The following MPRIP variants were observed in gnomAD, a reference collection of about 807,000 sequenced individuals.
MPRIP encodes the protein myosin phosphatase Rho-interacting protein.
MPRIP carries 59 observed loss-of-function variants against 234.9 expected under a neutral mutation model. The observed-to-expected ratio is 0.25, with a 90% CI of 0.20 to 0.31. The LOEUF is 0.31. MPRIP is among the 10% of genes least tolerant of loss of function. The probability of loss-of-function intolerance (pLI) is 1.00; values close to 1 mark genes in which losing one functional copy is unlikely to be tolerated. For synonymous variants in MPRIP, 1,144 were observed against 1,263.9 expected, an observed-to-expected ratio of 0.91 and a Z score of 2.01; for missense variants, 2,436 against 3,071.0, an observed-to-expected ratio of 0.79 and a Z score of 4.89.
chr17:17,169,888 A>G (rs891861207), intron 16 of MPRIP, among the ~76,000 whole-genome samples: 2 of 152,210 alleles, frequency 1.3e-5, no homozygotes. Flanking sequence ...TTTGTTTGCA[A>G]GATCAATTAT....
intron 1 of MPRIP, among the ~76,000 whole-genome samples, chr17:17,046,583 C>A (rs958140230): frequency 3.9e-5 from 6 of 152,026 alleles, no homozygotes; most frequent in African/African-American, 9.7e-5. Context: ...GAAGTTGAGC[C>A]TTTTTTATAG....
chr17:17,108,168 C>T (rs796085324), intron 3 of MPRIP, among the ~76,000 whole-genome samples: 20 of 152,306 alleles, frequency 1.3e-4, no homozygotes, highest in African/African-American at 4.8e-4. Context: ...GGGTACTGTC[C>T]CCAAGCACTT....
Position 17,158,953 on chromosome 17 carries a change from G to A in MPRIP, c.2351G>A (p.Gly784Glu), listed in dbSNP as rs753895038. The A allele has an allele frequency of 1.9e-6, 3 of 1,612,802 alleles. No individual in the cohort carries two copies. The Admixed American group carries it at 5.0e-5, about 27-fold the overall frequency. Residue 784 changes from glycine to glutamate, a missense_variant, in exon 14 of 24, where the codon GGG becomes GAG. Coordinates refer to ENST00000651222, the MANE Select transcript of MPRIP (RefSeq NM_001364716.4). ...IAPVHLSSED[G>E]GDRLSTHELT... The stretch of plus-strand genomic sequence containing the variant: ...CCCGTCCACCTGTCTTCTGAAGATG[G>A]GGGTGACCGGCTCTCCACACACGAG...
chr17:17,053,250 T>C (rs111529590), intron 1 of MPRIP, among the ~76,000 whole-genome samples: 48 of 152,202 alleles, frequency 3.2e-4, no homozygotes, highest in African/African-American at 1.1e-3. Context: ...GAGTTTCCAT[T>C]CTAGCTCCAT....
At position 17,154,094 on chromosome 17, in the gene MPRIP, A is replaced by G. The variant is rs912544500; in HGVS notation, c.1720-212A>G. On this transcript the variant is annotated intron_variant, in intron 12 of 23. Transcript: ENST00000651222. ...AAGATACCGGATTTACCATTGCCACAAATACACGTCCCTCCCACAGCTTTG... is the reference window on the plus strand; with the variant it reads ...AAGATACCGGATTTACCATTGCCACGAATACACGTCCCTCCCACAGCTTTG... 3.8e-4 allele frequency among the ~76,000 whole-genome samples: 58 copies of G among 152,208 alleles called. 1 individual carries two copies. The highest frequency in any genetic ancestry group is 1.3e-3 in the African/African-American group (56 of 41,530).
rs747413483 is a variant in MPRIP, at chr17:17,136,445, A to G, written c.731A>G (p.Lys244Arg). The G allele has an allele frequency of 1.2e-6, 2 of 1,609,134 alleles. No individual in the cohort carries two copies. The highest frequency in any genetic ancestry group is 1.7e-6 in the Non-Finnish European group (2 of 1,177,716). Residue 244 changes from lysine to arginine, a missense_variant, in exon 6 of 24, where the codon AAA becomes AGA. Transcript: ENST00000651222. ...SSLREPGLES[K>R]EEESAMSSDR... ...CTGCGGGAACCTGGGCTAGAGAGCAAAGAAGGTGAGCGGAGGCCAGGCTGG... is the reference window on the plus strand; with the variant it reads ...CTGCGGGAACCTGGGCTAGAGAGCAGAGAAGGTGAGCGGAGGCCAGGCTGG...
chr17:17,053,013 A>G (rs1260225095), intron 1 of MPRIP, among the ~76,000 whole-genome samples: 2 of 152,008 alleles, frequency 1.3e-5, no homozygotes, highest in Admixed American at 6.6e-5. Flanking sequence ...GAGCCAGAGA[A>G]AGGGGCCATG....
intron 1 of MPRIP, among the ~76,000 whole-genome samples, chr17:17,058,364 A>T (rs999858510): frequency 7.9e-5 from 11 of 139,826 alleles, no homozygotes; most frequent in Non-Finnish European, 1.4e-4. Context: ...CTCCAGGACT[A>T]TTAGGAGTAG....
At chr17:17,088,027 C>G (rs961412581) in intron 3 of MPRIP, among the ~76,000 whole-genome samples, 1 of 152,220 alleles carries the variant, frequency 6.6e-6, no homozygotes, top group Non-Finnish European at 1.5e-5. Context: ...TCTCTGCCTT[C>G]CCTGTGTTGC....
intron 1 of MPRIP, among the ~76,000 whole-genome samples, chr17:17,071,077 G>T (rs145534157): frequency 8.6e-4 from 131 of 152,288 alleles, no homozygotes; most frequent in African/African-American, 3.0e-3. Flanking sequence ...CCCTAGCATG[G>T]AGCAAGAAGG....
chr17:17,072,326 C>T lies in MPRIP; in HGVS notation c.124-3384C>T, dbSNP rs565033629. ...GGTAACTCAGAGAGGGCACCACCCA[C>T]CCACTGCTGGCCTAGGCCGGTGGGC... On this transcript the variant is annotated intron_variant, in intron 1 of 23. Transcript: ENST00000651222. Among the ~76,000 whole-genome samples the T allele has an allele frequency of 3.9e-5, 6 of 152,316 alleles. No individual in the cohort carries two copies. The East Asian group carries it at 1.2e-3, about 29-fold the overall frequency.
chr17:17,091,835 C>T lies in MPRIP; in HGVS notation c.267+13759C>T, dbSNP rs529460512. 2.0e-5 allele frequency among the ~76,000 whole-genome samples: 3 copies of T among 152,236 alleles called. No individual in the cohort carries two copies. The South Asian group carries it at 6.2e-4, about 32-fold the overall frequency. On this transcript the variant is annotated intron_variant, in intron 3 of 23. Transcript: ENST00000651222. ...TTCTTGTTTCTTGGGGCCTCCATTCCGAGATGGAGAAGAGAATACTATTTG... is the reference window on the plus strand; with the variant it reads ...TTCTTGTTTCTTGGGGCCTCCATTCTGAGATGGAGAAGAGAATACTATTTG...
chr17:17,158,445 G>T lies in MPRIP; in HGVS notation c.1843G>T (p.Glu615Ter). 6.4e-6 allele frequency: 10 copies of T among 1,570,374 alleles called. No homozygotes were observed. The highest frequency in any genetic ancestry group is 8.6e-6 in the Non-Finnish European group (10 of 1,158,206). Reference protein sequence around the residue: ...APDVTSSLPEEKNKSSCSFET... With the variant: ...APDVTSSLPE The stretch of plus-strand genomic sequence containing the variant: ...CCTGCCCCACAGCTCGTTGCCAGAG[G>T]AAAAAAACAAGAGCAGCTGCTCTTT... The change falls in exon 14 of 24, where the codon GAA (glutamate) becomes TAA (stop). Residue 615 changes from glutamate (E) to a stop codon, truncating the protein, a stop_gained. Coordinates refer to ENST00000651222, the MANE Select transcript of MPRIP (RefSeq NM_001364716.4). LOFTEE classifies it high-confidence loss of function.
chr17:17,049,709 G>T (rs1403301059), intron 1 of MPRIP, among the ~76,000 whole-genome samples: 1 of 152,188 alleles, frequency 6.6e-6, no homozygotes, highest in African/African-American at 2.4e-5. Context: ...AATCGAGGAG[G>T]TTGTGTAGGA....
Position 17,177,285 on chromosome 17 carries a change from C to A in MPRIP, c.6993C>A (p.Ile2331=). Residue 2331 remains isoleucine (I), a synonymous_variant, in exon 22 of 24, where the codon ATC becomes ATA. Coordinates refer to ENST00000651222, the MANE Select transcript of MPRIP (RefSeq NM_001364716.4). The part of the protein sequence containing the change: ...KKYASDKYKD[I]YTELSIAKAK... The stretch of plus-strand genomic sequence containing the variant: ...ACGCAAGTGACAAGTACAAAGACAT[C>A]TACACAGAGCTCAGCATCGCGAAGG... 1 of 1,614,082 alleles carries A rather than the reference C, an allele frequency of 6.2e-7. No individual in the cohort carries two copies. The highest frequency in any genetic ancestry group is 8.5e-7 in the Non-Finnish European group (1 of 1,180,024).
In MPRIP at chr17:17,192,348, GC is replaced by G. The variant is rs1274967654; in HGVS notation, c.*7458del. The G allele has an allele frequency of 6.7e-6, 1 of 150,162 alleles. No homozygotes were observed. Among genetic ancestry groups the G allele is most frequent in the Non-Finnish European group, 1.5e-5 (1 of 67,780 alleles). 9.3% of individuals were successfully genotyped at this position (150,162 alleles called of 1,614,324 possible). A position where few individuals can be genotyped will look rare whatever the true frequency, so the allele number is the denominator to read the frequency against. ...ACAGCGCTCGGGTCTAAGAAGTAGA[GC>G]CCCGGGGTAGGGTGGGCCATCCACT... On this transcript the variant is annotated 3_prime_UTR_variant, in exon 24 of 24. Transcript: ENST00000651222.
intron 1 of MPRIP, among the ~76,000 whole-genome samples, chr17:17,075,171 A>G (rs1052334052): frequency 1.3e-5 from 2 of 152,194 alleles, no homozygotes; most frequent in African/African-American, 4.8e-5. Context: ...TAGAATTGTC[A>G]TCACTCTCAC....
chr17:17,122,346 TATTTGTTTTG>T (rs1232213332), intron 3 of MPRIP, among the ~76,000 whole-genome samples: 1 of 151,754 alleles, frequency 6.6e-6, no homozygotes, highest in African/African-American at 2.4e-5. Flanking sequence ...TTTTTTTGTT[TATTTGTTTTG>T]TTTTGTTTTG....
At chr17:17,149,993 A>G (rs543812667) in intron 11 of MPRIP, 151 bp from the exon 12 acceptor site, 128 of 632,846 alleles carry the variant, frequency 2.0e-4, no homozygotes, top group African/African-American at 1.6e-3. Flanking sequence ...GGCCTGGGTC[A>G]TGCAGTAGTA....
Sources: gnomAD v4.1 joint callset for allele counts (sites outside exome capture counted in the v4.1 genomes callset) on GRCh38, gnomAD v4.1.1 for gene constraint, MANE v1.5 for transcripts, NCBI Gene and HGNC (gene_info 2026-07-23, HGNC 2026-07-21) for gene names.